The following WDR27 variants were observed in gnomAD, a reference collection of about 807,000 sequenced individuals.
WDR27 encodes the protein WD repeat-containing protein 27.
In WDR27, 100 loss-of-function variants were observed where a neutral mutation model predicts 114.4. That is an observed-to-expected ratio of 0.87 (90% CI 0.74 to 1.03). The LOEUF is 1.03. Among genes scored for constraint, WDR27 ranks in the 50% least tolerant of loss-of-function variants. The pLI is 0.00. For synonymous variants in WDR27, 449 were observed against 423.1 expected (o/e 1.06, Z -0.75); for missense variants, 1,129 against 1,092.9 (o/e 1.03, Z -0.47).
In WDR27 at chr6:169,634,482, T is replaced by A. The variant is rs1312261598; in HGVS notation, c.2047A>T (p.Thr683Ser). The A allele has an allele frequency of 1.5e-5, 25 of 1,613,340 alleles. No individual in the cohort carries two copies. The highest frequency in any genetic ancestry group is 2.1e-5 in the Non-Finnish European group (25 of 1,179,682). ...CTGGTCATGTCTACTGCACCCGTCG[T>A]GGAGAGCCTGCAAATCAGCTTGGAC... is the stretch of plus-strand genomic sequence containing the variant. ...SKSKLICRLS[T>S]TGAVDMTSLS... is the part of the protein sequence containing the mutation. Residue 683 changes from threonine to serine, a missense_variant, in exon 20 of 26, where the codon ACG (threonine) becomes TCG (serine). Transcript: ENST00000448612.
chr6:169,681,122 T>A (rs948262495), intron 2 of WDR27, among the ~76,000 whole-genome samples: 1 of 152,138 alleles, frequency 6.6e-6, no homozygotes, highest in African/African-American at 2.4e-5. Flanking sequence ...AGTCAAAAAC[T>A]AAAAATAACC....
intron 25 of WDR27, among the ~76,000 whole-genome samples, chr6:169,508,441 C>A (rs953685210): frequency 1.3e-5 from 2 of 152,100 alleles, no homozygotes; most frequent in Non-Finnish European, 2.9e-5. Context: ...AAGAGATGTT[C>A]AAGAGTTGAG....
intron 25 of WDR27, among the ~76,000 whole-genome samples, chr6:169,494,221 C>T (rs1037872173): frequency 5.3e-5 from 8 of 152,060 alleles, no homozygotes; most frequent in African/African-American, 9.7e-5. Flanking sequence ...AAGCAGATGC[C>T]GTCCCTAATG....
At chr6:169,578,148 G>A (rs1802754275) in intron 24 of WDR27, among the ~76,000 whole-genome samples, 1 of 152,222 alleles carries the variant, frequency 6.6e-6, no homozygotes, top group Non-Finnish European at 1.5e-5. Flanking sequence ...GGAAACGCAG[G>A]TCCTTCTGAG....
intron 6 of WDR27, chr6:169,666,902 C>T (rs1229439500): frequency 1.0e-6 from 1 of 985,368 alleles, no homozygotes; most frequent in African/African-American, 1.7e-5. Flanking sequence ...TCCTCCAAAA[C>T]AGAAAGGCCC....
the WDR27 span, among the ~76,000 whole-genome samples, chr6:169,429,712 G>A: frequency 6.6e-6 from 1 of 152,198 alleles, no homozygotes; most frequent in African/African-American, 2.4e-5. Flanking sequence ...ACAGTCATCT[G>A]AAGGGTTATT....
At chr6:169,445,908 G>C in the WDR27 span, among the ~76,000 whole-genome samples, 8 of 152,270 alleles carry the variant, frequency 5.3e-5, no homozygotes, top group Non-Finnish European at 8.8e-5. Context: ...GGTGGGGTGG[G>C]GGGAGGCAGG....
intron 25 of WDR27, among the ~76,000 whole-genome samples, chr6:169,462,953 A>C (rs571232610): frequency 5.3e-4 from 80 of 152,376 alleles, no homozygotes; most frequent in African/African-American, 1.9e-3. Context: ...TAAGAATAGA[A>C]GGAAGTTACA....
At chr6:169,446,690 T>A in the WDR27 span, among the ~76,000 whole-genome samples, 1 of 152,198 alleles carries the variant, frequency 6.6e-6, no homozygotes, top group Non-Finnish European at 1.5e-5. Context: ...TAAATGAAAA[T>A]TTTAGCTTGT....
At chr6:169,552,064 C>T (rs1798213403) in intron 25 of WDR27, among the ~76,000 whole-genome samples, 2 of 152,156 alleles carry the variant, frequency 1.3e-5, no homozygotes, top group South Asian at 2.1e-4. Context: ...GTCTGGGCCC[C>T]ACTGCCCCCA....
At chr6:169,568,016 A>G (rs1345334639) in intron 25 of WDR27, among the ~76,000 whole-genome samples, 3 of 152,234 alleles carry the variant, frequency 2.0e-5, no homozygotes, top group Non-Finnish European at 4.4e-5. Context: ...ATGAGTAAAC[A>G]GAGACCCAAG....
chr6:169,592,008 A>G (rs1394050727), intron 23 of WDR27, among the ~76,000 whole-genome samples: 1 of 151,946 alleles, frequency 6.6e-6, no homozygotes, highest in African/African-American at 2.4e-5. Context: ...GATGGCTGGA[A>G]TGTCACTGCT....
At chr6:169,462,612 GA>G (rs1785060780) in intron 25 of WDR27, among the ~76,000 whole-genome samples, 1 of 152,118 alleles carries the variant, frequency 6.6e-6, no homozygotes, top group African/African-American at 2.4e-5. Context: ...AAACTGAGGA[GA>G]AAGAAACATT....
intron 23 of WDR27, among the ~76,000 whole-genome samples, chr6:169,585,173 G>C (rs183567422): frequency 6.6e-6 from 1 of 152,188 alleles, no homozygotes; most frequent in East Asian, 1.9e-4. Context: ...TGGATGAAAG[G>C]CCTAAAATCA....
At chr6:169,695,742 A>G (rs1785746773) in intron 1 of WDR27, among the ~76,000 whole-genome samples, 1 of 152,198 alleles carries the variant, frequency 6.6e-6, no homozygotes, top group Admixed American at 6.5e-5. Flanking sequence ...AGCCAAGGGA[A>G]TTGAGGTTAC....
At chr6:169,504,503 C>T (rs922544093) in intron 25 of WDR27, among the ~76,000 whole-genome samples, 1 of 151,782 alleles carries the variant, frequency 6.6e-6, no homozygotes, top group African/African-American at 2.4e-5. Context: ...TGAGGCTCCC[C>T]AGCCATGTGG....
intron 25 of WDR27, among the ~76,000 whole-genome samples, chr6:169,487,532 G>A (rs1205251200): frequency 2.6e-5 from 4 of 152,096 alleles, no homozygotes; most frequent in African/African-American, 9.7e-5. Context: ...GAAAGGGGTC[G>A]CAAACCTCAT....
At chr6:169,618,223 T>C (rs1304013557) in intron 21 of WDR27, among the ~76,000 whole-genome samples, 1 of 152,190 alleles carries the variant, frequency 6.6e-6, no homozygotes, top group Non-Finnish European at 1.5e-5. Context: ...ATAAAATTAT[T>C]TCATTAAAAA....
At chr6:169,693,467 A>G (rs1785019872) in intron 1 of WDR27, among the ~76,000 whole-genome samples, 1 of 152,222 alleles carries the variant, frequency 6.6e-6, no homozygotes, top group Non-Finnish European at 1.5e-5. Flanking sequence ...TAATGAATAG[A>G]GCAGTACCCC....
Sources: allele counts gnomAD v4.1 joint callset (sites outside exome capture counted in the v4.1 genomes callset), GRCh38; gene constraint gnomAD v4.1.1; transcripts MANE v1.5; gene names NCBI Gene and HGNC (gene_info 2026-07-23, HGNC 2026-07-21).